The following DLC1 variants were observed in gnomAD, a reference collection of about 807,000 sequenced individuals.
The protein encoded by DLC1 is rho GTPase-activating protein 7.
Under a neutral mutation model 140.3 loss-of-function variants are expected in DLC1, and 54 were observed. That is an observed-to-expected ratio of 0.38 (90% CI 0.31 to 0.48). The LOEUF is 0.48. DLC1 is among the 20% of genes least tolerant of loss of function. The probability of loss-of-function intolerance (pLI) is 0.96; values close to 1 mark genes in which losing one functional copy is unlikely to be tolerated. For synonymous variants in DLC1, 986 were observed against 728.1 expected, an observed-to-expected ratio of 1.35 and a Z score of -5.70; for missense variants, 2,536 against 1,907.0, an observed-to-expected ratio of 1.33 and a Z score of -6.14.
At chr8:13,355,672 C>T (rs181318519) in intron 4 of DLC1, among the ~76,000 whole-genome samples, 69 of 152,246 alleles carry the variant, frequency 4.5e-4, no homozygotes, top group Admixed American at 1.3e-3. Context: ...TTTGCAAGGA[C>T]CCAGTTCATT....
At chr8:13,445,756 C>G (rs924911026) in intron 2 of DLC1, among the ~76,000 whole-genome samples, 7 of 152,136 alleles carry the variant, frequency 4.6e-5, no homozygotes, top group Non-Finnish European at 1.0e-4. Flanking sequence ...AAAAGTAACC[C>G]AGACATCTCT....
intron 6 of DLC1, among the ~76,000 whole-genome samples, chr8:13,111,488 T>C (rs1820106085): frequency 6.6e-6 from 1 of 152,292 alleles, no homozygotes; most frequent in South Asian, 2.1e-4. Context: ...CATTCAGTTC[T>C]CTCGAGACAA....
At chr8:13,398,920 A>G (rs1837170817) in intron 3 of DLC1, among the ~76,000 whole-genome samples, 2 of 152,316 alleles carry the variant, frequency 1.3e-5, no homozygotes, top group South Asian at 2.1e-4. Flanking sequence ...TCAATTTTCT[A>G]TGAGAAGAGG....
chr8:13,237,757 A>T (rs1237781188), intron 5 of DLC1, among the ~76,000 whole-genome samples: 1 of 152,110 alleles, frequency 6.6e-6, no homozygotes, highest in African/African-American at 2.4e-5. Context: ...CAGGTTTTCT[A>T]GTATGCTGCT....
chr8:13,338,307 G>A (rs192487091), intron 4 of DLC1, among the ~76,000 whole-genome samples: 6 of 151,978 alleles, frequency 3.9e-5, no homozygotes, highest in East Asian at 3.9e-4. Flanking sequence ...GCCATGGTTC[G>A]AAAAAAATAC....
chr8:13,315,947 A>ATG lies in DLC1; in HGVS notation c.1315-10647_1315-10646dup, dbSNP rs1249983325. ...TATTGTCTAGTATTATATGAGATGC[A>ATG]TGTGCAGAGAACGAAGTTCTTGCTT... On this transcript the variant is annotated intron_variant, in intron 4 of 17. Transcript: ENST00000276297. Among the ~76,000 whole-genome samples the ATG allele has an allele frequency of 2.0e-5, 3 of 152,332 alleles. No individual in the cohort carries two copies. The East Asian group carries it at 5.8e-4, about 29-fold the overall frequency.
intron 4 of DLC1, among the ~76,000 whole-genome samples, chr8:13,345,546 A>ATTTTTTTTTTTTTTTTT (rs1490773993): frequency 4.5e-5 from 2 of 44,654 alleles, no homozygotes; most frequent in Non-Finnish European, 7.8e-5. Flanking sequence ...TTTCACTCAC[A>ATTTTTTTTTTTTTTTTT]CTTTTTTTTT....
At chr8:13,526,937 C>T (rs1280317882) in intron 1 of DLC1, among the ~76,000 whole-genome samples, 2 of 152,114 alleles carry the variant, frequency 1.3e-5, no homozygotes, top group African/African-American at 4.8e-5. Context: ...AAAAAGTTTT[C>T]ATAAAAAAAT....
intron 5 of DLC1, among the ~76,000 whole-genome samples, chr8:13,147,871 C>A (rs931949530): frequency 4.6e-5 from 7 of 152,086 alleles, no homozygotes; most frequent in African/African-American, 1.7e-4. Flanking sequence ...GCCTGTAGTT[C>A]CAGCTACTCG....
intron 4 of DLC1, among the ~76,000 whole-genome samples, chr8:13,313,365 C>T (rs777018452): frequency 1.3e-5 from 2 of 152,178 alleles, no homozygotes; most frequent in Non-Finnish European, 2.9e-5. Flanking sequence ...TGTGAATCCA[C>T]GCTGAAGACT....
At chr8:13,115,754 T>A in intron 5 of DLC1, 97 bp from the exon 6 acceptor site, 1 of 1,113,852 alleles carries the variant, frequency 9.0e-7, no homozygotes, top group Non-Finnish European at 1.3e-6. Context: ...AAGCAAAACA[T>A]GACTGCCATA....
intron 5 of DLC1, among the ~76,000 whole-genome samples, chr8:13,192,680 A>G (rs1258749088): frequency 6.6e-6 from 1 of 152,180 alleles, no homozygotes; most frequent in Non-Finnish European, 1.5e-5. Flanking sequence ...GACTTTGGAG[A>G]TAAGGTCTTT....
chr8:13,278,324 C>T (rs554304946), intron 5 of DLC1, among the ~76,000 whole-genome samples: 70 of 152,296 alleles, frequency 4.6e-4, no homozygotes, highest in African/African-American at 1.4e-3. Context: ...GTGTGTTTCT[C>T]CTTCAAAGAG....
intron 4 of DLC1, among the ~76,000 whole-genome samples, chr8:13,319,905 C>A (rs975357691): frequency 7.2e-6 from 1 of 139,524 alleles, no homozygotes; most frequent in African/African-American, 2.7e-5. Context: ...TCACTGCACC[C>A]TCCACCTCCC....
chr8:13,390,525 G>C lies in DLC1; in HGVS notation c.1314+3028C>G, dbSNP rs545203154. 3.9e-5 allele frequency among the ~76,000 whole-genome samples: 6 copies of C among 152,274 alleles called. No individual in the cohort carries two copies. In the East Asian group the frequency reaches 1.2e-3, roughly 29 times the overall value. On this transcript the variant is annotated intron_variant, in intron 4 of 17. Transcript: ENST00000276297. ...GATTGCTGGGTCAAATCATATTTCT[G>C]ATTCTAGGTCCTTGAGGAATTAACA...
chr8:13,306,558 T>TG (rs1832437781), intron 4 of DLC1, among the ~76,000 whole-genome samples: 10 of 142,946 alleles, frequency 7.0e-5, no homozygotes, highest in South Asian at 2.4e-4. Context: ...GTGTGTGTGT[T>TG]TGTGTGTGTG....
intron 5 of DLC1, among the ~76,000 whole-genome samples, chr8:13,176,316 C>T (rs985808447): frequency 5.9e-5 from 9 of 152,310 alleles, no homozygotes; most frequent in Admixed American, 3.3e-4. Flanking sequence ...TGGTGGTTCA[C>T]TCCTGTAATC....
chr8:13,574,123 G>A (rs1249244694), intron 1 of DLC1, among the ~76,000 whole-genome samples: 2 of 152,110 alleles, frequency 1.3e-5, no homozygotes, highest in Non-Finnish European at 2.9e-5. Flanking sequence ...GCTGTTTTCT[G>A]TAATTTTACT....
intron 5 of DLC1, among the ~76,000 whole-genome samples, chr8:13,154,707 G>T (rs982575209): frequency 2.6e-4 from 39 of 152,338 alleles, no homozygotes; most frequent in African/African-American, 7.9e-4. Context: ...TGAGGCCTGA[G>T]GAGGCGCCGA....
Sources: allele counts gnomAD v4.1 joint callset (sites outside exome capture counted in the v4.1 genomes callset), GRCh38; gene constraint gnomAD v4.1.1; transcripts MANE v1.5; gene names NCBI Gene and HGNC (gene_info 2026-07-23, HGNC 2026-07-21).